XPR1: variants seen among roughly 807,000 people sequenced by gnomAD.
XPR1 encodes the protein solute carrier family 53 member 1.
Under a neutral mutation model 87.5 loss-of-function variants are expected in XPR1, and 28 were observed. The ratio of observed to expected loss-of-function variants is 0.32; its 90% CI spans 0.24 to 0.44. The LOEUF is 0.44. Ranked by LOEUF, XPR1 falls within the 20% of genes least tolerant of loss-of-function variation. The pLI, the probability that XPR1 is intolerant of heterozygous loss-of-function variation, is 1.00. For synonymous variants in XPR1, 300 were observed against 306.1 expected (o/e 0.98, Z 0.21); for missense variants, 559 against 862.3 (o/e 0.65, Z 4.41).
At chr1:180,693,219 C>T (rs1382879358) in intron 2 of XPR1, among the ~76,000 whole-genome samples, 1 of 152,122 alleles carries the variant, frequency 6.6e-6, no homozygotes, top group Non-Finnish European at 1.5e-5. Context: ...TTAAAGTTGG[C>T]AGAGTTCAAA....
chr1:180,759,958 C>T (rs1647936158), intron 2 of XPR1, among the ~76,000 whole-genome samples: 2 of 152,172 alleles, frequency 1.3e-5, no homozygotes, highest in Non-Finnish European at 2.9e-5. Flanking sequence ...GGCTGTTCAA[C>T]ATACGCAAAT....
At chr1:180,694,630 A>G (rs1657100260) in intron 2 of XPR1, among the ~76,000 whole-genome samples, 1 of 149,762 alleles carries the variant, frequency 6.7e-6, no homozygotes, top group African/African-American at 2.4e-5. Context: ...CCCTTCCCCA[A>G]TTTTTTTTTT....
chr1:180,836,175 A>G (rs1415990555), intron 10 of XPR1, among the ~76,000 whole-genome samples: 1 of 152,096 alleles, frequency 6.6e-6, no homozygotes, highest in African/African-American at 2.4e-5. Context: ...CCTGGGCAAC[A>G]TGGTGAAACC....
intron 2 of XPR1, among the ~76,000 whole-genome samples, chr1:180,691,723 G>C (rs368418982): frequency 5.3e-5 from 8 of 152,082 alleles, no homozygotes; most frequent in East Asian, 1.9e-4. Flanking sequence ...TTAGAATTCA[G>C]TTCTTAGTGA....
intron 2 of XPR1, among the ~76,000 whole-genome samples, chr1:180,787,286 G>GTTTTTTTTTTTGTTTTTTTTTTTTTTT (rs113585092): frequency 6.8e-6 from 1 of 146,372 alleles, no homozygotes. Flanking sequence ...GGTTTTTTTT[G>GTTTTTTTTTTTGTTTTTTTTTTTTTTT]TTTTTTTTTT....
chr1:180,762,022 C>CA (rs1297685183), intron 2 of XPR1, among the ~76,000 whole-genome samples: 1 of 148,876 alleles, frequency 6.7e-6, no homozygotes, highest in Non-Finnish European at 1.5e-5. Context: ...ATCGCAAGGA[C>CA]AAAAAACCAA....
intron 2 of XPR1, among the ~76,000 whole-genome samples, chr1:180,723,986 G>A (rs1658256355): frequency 6.6e-6 from 1 of 152,046 alleles, no homozygotes; most frequent in African/African-American, 2.4e-5. Context: ...ATGGAGAGAA[G>A]AGTAAATTAA....
intron 11 of XPR1, among the ~76,000 whole-genome samples, chr1:180,862,344 C>T (rs1390297609): frequency 6.6e-6 from 1 of 152,118 alleles, no homozygotes; most frequent in Non-Finnish European, 1.5e-5. Flanking sequence ...TTCTATATGT[C>T]ACCTACACTA....
intron 11 of XPR1, among the ~76,000 whole-genome samples, chr1:180,863,387 G>T (rs781091030): frequency 6.6e-6 from 1 of 152,106 alleles, no homozygotes; most frequent in Non-Finnish European, 1.5e-5. Context: ...GATGGCAAAA[G>T]TTAAAATTGC....
intron 2 of XPR1, among the ~76,000 whole-genome samples, chr1:180,689,786 G>A (rs1229611338): frequency 6.6e-6 from 1 of 152,184 alleles, no homozygotes; most frequent in African/African-American, 2.4e-5. Flanking sequence ...GATAGGGGCA[G>A]CTGGGTTTAG....
At chr1:180,763,032 A>T (rs961670405) in intron 2 of XPR1, among the ~76,000 whole-genome samples, 21 of 152,238 alleles carry the variant, frequency 1.4e-4, no homozygotes, top group Non-Finnish European at 4.4e-5. Flanking sequence ...CTGTATGACA[A>T]CCGGAAGATT....
chr1:180,863,678 C>A (rs773254701), intron 11 of XPR1, 30 bp from the exon 12 acceptor site: 1 of 1,509,566 alleles, frequency 6.6e-7, no homozygotes, highest in African/African-American at 1.4e-5. Flanking sequence ...TAGTAATTTT[C>A]TCTTTTCTCT....
chr1:180,784,306 T>C (rs7548671), intron 2 of XPR1, among the ~76,000 whole-genome samples: 53,005 of 151,884 alleles, frequency 0.35, 9,977 homozygotes, highest in Non-Finnish European at 0.4. Context: ...TTTCCTTTTT[T>C]AAAAAAGTTG....
chr1:180,697,959 TC>T (rs1229097263), intron 2 of XPR1, among the ~76,000 whole-genome samples: 2 of 152,168 alleles, frequency 1.3e-5, no homozygotes, highest in African/African-American at 4.8e-5. Context: ...GTCTGTTGGG[TC>T]CATCTAGTTT....
chr1:180,692,825 A>T (rs1294991883), intron 2 of XPR1, among the ~76,000 whole-genome samples: 1 of 152,206 alleles, frequency 6.6e-6, no homozygotes, highest in Non-Finnish European at 1.5e-5. Flanking sequence ...ATGATAACAA[A>T]TATAATTTTT....
intron 3 of XPR1, among the ~76,000 whole-genome samples, chr1:180,792,976 A>C (rs371242504): frequency 6.6e-6 from 1 of 151,708 alleles, no homozygotes; most frequent in East Asian, 1.9e-4. Flanking sequence ...TATTGGCTGG[A>C]ATTTTGAAAT....
At chr1:180,660,246 A>T in intron 1 of XPR1, among the ~76,000 whole-genome samples, 1 of 150,482 alleles carries the variant, frequency 6.6e-6, no homozygotes. Context: ...ATTTATTTGG[A>T]TCTTCTCTTT....
chr1:180,865,832 TA>T (rs1438305188), intron 12 of XPR1, among the ~76,000 whole-genome samples: 1 of 152,174 alleles, frequency 6.6e-6, no homozygotes. Flanking sequence ...TTCATGACTC[TA>T]AAAAACAAAA....
intron 11 of XPR1, among the ~76,000 whole-genome samples, chr1:180,857,074 A>G (rs1315922343): frequency 6.6e-6 from 1 of 152,232 alleles, no homozygotes; most frequent in Non-Finnish European, 1.5e-5. Flanking sequence ...TTAGGTATAG[A>G]TTACATAAAA....
Sources: allele counts gnomAD v4.1 joint callset (sites outside exome capture counted in the v4.1 genomes callset), GRCh38; gene constraint gnomAD v4.1.1; transcripts MANE v1.5; gene names NCBI Gene and HGNC (gene_info 2026-07-23, HGNC 2026-07-21).